Variants in SUFU observed in about 807,000 individuals in gnomAD.
The protein encoded by SUFU is SUFU negative regulator of hedgehog signaling, also known as suppressor of fused homolog.
In SUFU, 7 loss-of-function variants were observed where a neutral mutation model predicts 58.9. That is an observed-to-expected ratio of 0.12 (90% CI 0.07 to 0.22). The LOEUF (loss-of-function observed/expected upper bound fraction) is 0.22, where lower values mean the gene tolerates loss of function less well. SUFU is among the 10% of genes least tolerant of loss of function. SUFU has a pLI of 1.00. For missense variants in SUFU, 451 were observed against 641.3 expected, an observed-to-expected ratio of 0.70 and a Z score of 3.20; for synonymous variants, 232 against 254.8, an observed-to-expected ratio of 0.91 and a Z score of 0.85.
chr10:102,550,116 C>G lies in SUFU; in HGVS notation c.454+10C>G. 2 of 1,614,090 alleles carry G rather than the reference C, an allele frequency of 1.2e-6. No homozygotes were observed. The highest frequency in any genetic ancestry group is 2.2e-5 in the South Asian group (2 of 91,070). On this transcript the variant is annotated intron_variant, in intron 3 of 11. Coordinates refer to ENST00000369902, the MANE Select transcript of SUFU (RefSeq NM_016169.4). ...TACGTGTTCCAGTCAGGTAGGAGGC[C>G]AGGGCTGGCTGCTGTGCTGGTCCTT... is the stretch of plus-strand genomic sequence containing the variant.
intron 3 of SUFU, among the ~76,000 whole-genome samples, chr10:102,581,221 G>GA (rs111485943): frequency 0.48 from 60,059 of 126,094 alleles, 14,837 homozygotes; most frequent in East Asian, 0.71. Context: ...AGAAGAAGAA[G>GA]AAATTAGGCA....
intron 2 of SUFU, among the ~76,000 whole-genome samples, chr10:102,537,359 G>A (rs895938640): frequency 1.4e-4 from 22 of 151,884 alleles, no homozygotes; most frequent in African/African-American, 5.1e-4. Flanking sequence ...GCAGACTCCT[G>A]GGCTCAAGCA....
At chr10:102,563,014 G>A (rs988397550) in intron 3 of SUFU, among the ~76,000 whole-genome samples, 15 of 152,188 alleles carry the variant, frequency 9.9e-5, no homozygotes, top group African/African-American at 3.1e-4. Flanking sequence ...TTCAGATGAG[G>A]CGATAGGGAG....
At chr10:102,522,073 T>C (rs966823705) in intron 2 of SUFU, among the ~76,000 whole-genome samples, 4 of 152,258 alleles carry the variant, frequency 2.6e-5, no homozygotes, top group Non-Finnish European at 5.9e-5. Flanking sequence ...TAACATCTTC[T>C]GAGGCTTCCC....
intron 10 of SUFU, among the ~76,000 whole-genome samples, chr10:102,620,129 C>T (rs1233069803): frequency 2.0e-5 from 3 of 152,198 alleles, no homozygotes; most frequent in African/African-American, 7.2e-5. Context: ...TAACTGCTGC[C>T]GGAACTCTCC....
At chr10:102,584,352 C>CT (rs1392414992) in intron 3 of SUFU, among the ~76,000 whole-genome samples, 6 of 152,050 alleles carry the variant, frequency 3.9e-5, no homozygotes, top group African/African-American at 9.6e-5. Context: ...TTCTCTTTGT[C>CT]TTTTTTTTAA....
At chr10:102,571,993 G>T (rs2063166649) in intron 3 of SUFU, among the ~76,000 whole-genome samples, 1 of 152,300 alleles carries the variant, frequency 6.6e-6, no homozygotes, top group Admixed American at 6.5e-5. Context: ...AATGGAGGAA[G>T]AGTCTGACGT....
At chr10:102,624,754 C>T (rs1217322603) in intron 10 of SUFU, among the ~76,000 whole-genome samples, 2 of 152,174 alleles carry the variant, frequency 1.3e-5, no homozygotes, top group African/African-American at 4.8e-5. Context: ...TCAGGGGAAC[C>T]AGCTTAGAAT....
chr10:102,576,285 G>A (rs896698926), intron 3 of SUFU, among the ~76,000 whole-genome samples: 1 of 151,828 alleles, frequency 6.6e-6, no homozygotes, highest in African/African-American at 2.4e-5. Flanking sequence ...TTTTTTCTAT[G>A]TATTCACCTT....
chr10:102,598,522 GT>G (rs758624649), intron 7 of SUFU, among the ~76,000 whole-genome samples: 6 of 152,166 alleles, frequency 3.9e-5, no homozygotes, highest in Non-Finnish European at 8.8e-5. Flanking sequence ...CAAAGAGAGG[GT>G]ATACAGTTAT....
intron 3 of SUFU, among the ~76,000 whole-genome samples, chr10:102,558,468 C>G (rs2063003579): frequency 6.6e-6 from 1 of 152,206 alleles, no homozygotes; most frequent in Non-Finnish European, 1.5e-5. Flanking sequence ...ACTTTGGCCA[C>G]CCAAAGTGCT....
chr10:102,541,965 A>G (rs1396997603), intron 2 of SUFU, among the ~76,000 whole-genome samples: 1 of 143,044 alleles, frequency 7.0e-6, no homozygotes, highest in East Asian at 2.1e-4. Flanking sequence ...GCTCACTGCA[A>G]CCTCTGCCTC....
intron 3 of SUFU, among the ~76,000 whole-genome samples, chr10:102,568,931 T>A (rs1367909006): frequency 5.9e-5 from 2 of 34,058 alleles, no homozygotes; most frequent in Admixed American, 4.1e-4. Flanking sequence ...CACATATATA[T>A]ATATATATAT....
In SUFU at chr10:102,561,667, C is replaced by CTTT. The variant is rs34738568; in HGVS notation, c.454+11578_454+11580dup. 6.4e-3 allele frequency among the ~76,000 whole-genome samples: 708 copies of CTTT among 110,572 alleles called. 30 individuals are homozygous for CTTT. Among genetic ancestry groups the CTTT allele is most frequent in the African/African-American group, 0.014 (408 of 28,516 alleles). The allele number at this position is 110,572 out of a possible 152,430, so 72.5% of individuals were successfully genotyped here. On this transcript the variant is annotated intron_variant, in intron 3 of 11. Transcript: ENST00000369902. ...TTTAGGGTTAGGAAAGACCAGCAAG[C>CTTT]TTTTTTTTTTTTTTTTTTTGAGATG...
chr10:102,600,292 G>A (rs1251759780), intron 8 of SUFU, among the ~76,000 whole-genome samples: 2 of 152,194 alleles, frequency 1.3e-5, no homozygotes, highest in South Asian at 2.1e-4. Context: ...GCCTGCCAGG[G>A]AGGAAATTGC....
At chr10:102,593,940 C>A in intron 5 of SUFU, 53 bp from the exon 6 acceptor site, 2 of 1,589,084 alleles carry the variant, frequency 1.3e-6, no homozygotes, top group Admixed American at 1.7e-5. Context: ...GTAGGCCCAG[C>A]CCATCAGCCC....
chr10:102,576,174 AT>A (rs1419186944), intron 3 of SUFU, among the ~76,000 whole-genome samples: 1 of 152,066 alleles, frequency 6.6e-6, no homozygotes, highest in East Asian at 1.9e-4. Context: ...GACTATACAG[AT>A]AAAGTCAAAG....
At chr10:102,594,173 T>A in intron 6 of SUFU, 108 bp downstream of exon 6, 1 of 1,094,662 alleles carries the variant, frequency 9.1e-7, no homozygotes, top group Non-Finnish European at 1.4e-6. Flanking sequence ...TGTGAGTGAG[T>A]AGAAATATGG....
intron 8 of SUFU, among the ~76,000 whole-genome samples, chr10:102,608,812 C>G (rs2063589866): frequency 6.6e-6 from 1 of 152,204 alleles, no homozygotes; most frequent in Non-Finnish European, 1.5e-5. Flanking sequence ...TTCCCTCTGT[C>G]CTCCTCAGAG....
Sources: gnomAD v4.1 joint callset for allele counts (sites outside exome capture counted in the v4.1 genomes callset) on GRCh38, gnomAD v4.1.1 for gene constraint, MANE v1.5 for transcripts, NCBI Gene and HGNC (gene_info 2026-07-23, HGNC 2026-07-21) for gene names.